GREB1: variants seen among roughly 807,000 people sequenced by gnomAD.
GREB1 encodes growth regulating estrogen receptor binding 1, also known as protein GREB1.
In GREB1, 106 loss-of-function variants were observed where a neutral mutation model predicts 200.7. That is an observed-to-expected ratio of 0.53 (90% CI 0.45 to 0.62). GREB1 has a LOEUF of 0.62. Ranked by LOEUF, GREB1 falls within the 20% of genes least tolerant of loss-of-function variation. GREB1 has a pLI of 0.00. For missense variants in GREB1, 2,243 were observed against 2,556.8 expected, an observed-to-expected ratio of 0.88 and a Z score of 2.65; for synonymous variants, 1,132 against 1,092.4, an observed-to-expected ratio of 1.04 and a Z score of -0.72.
At chr2:11,596,656 A>AAGATCGGAAGAGCGTCGT (rs1242416580) in intron 13 of GREB1, among the ~76,000 whole-genome samples, 1 of 45,284 alleles carries the variant, frequency 2.2e-5, no homozygotes. Context: ...ATACAGTGAG[A>AAGATCGGAAGAGCGTCGT]GTAGGTGGGG....
At chr2:11,512,724 C>T (rs765363922) in intron 1 of GREB1, among the ~76,000 whole-genome samples, 3 of 152,212 alleles carry the variant, frequency 2.0e-5, no homozygotes, top group Non-Finnish European at 4.4e-5. Flanking sequence ...GAGGATAAGA[C>T]CTCTTGTCTC....
Position 11,595,701 on chromosome 2 carries a change from C to T in GREB1, c.1825+322C>T, listed in dbSNP as rs141827432. On this transcript the variant is annotated intron_variant, in intron 12 of 32. Coordinates refer to ENST00000381486, the MANE Select transcript of GREB1 (RefSeq NM_014668.4). ...CTTTCCAGCCTTGGTGGCCTCTCTTCCCTGTCTCCCCTTTTTGCTGGAGAG... is the reference window on the plus strand; with the variant it reads ...CTTTCCAGCCTTGGTGGCCTCTCTTTCCTGTCTCCCCTTTTTGCTGGAGAG... Among the ~76,000 whole-genome samples the T allele has an allele frequency of 5.0e-3, 760 of 152,230 alleles. 10 individuals carry two copies. The highest frequency in any genetic ancestry group is 0.02 in the Middle Eastern group (6 of 294).
At chr2:11,630,936 T>C (rs1684827646) in intron 26 of GREB1, among the ~76,000 whole-genome samples, 1 of 152,178 alleles carries the variant, frequency 6.6e-6, no homozygotes, top group Non-Finnish European at 1.5e-5. Flanking sequence ...TAGGCACCTG[T>C]GGAGTTGCCC....
chr2:11,584,315 G>T (rs1181073826), intron 7 of GREB1, among the ~76,000 whole-genome samples: 2 of 152,200 alleles, frequency 1.3e-5, no homozygotes, highest in East Asian at 3.8e-4. Context: ...GCATGCTGTT[G>T]TCTAGAGTGG....
At chr2:11,608,467 T>TGTTA (rs1212245654) in intron 17 of GREB1, among the ~76,000 whole-genome samples, 2 of 152,212 alleles carry the variant, frequency 1.3e-5, no homozygotes, top group Non-Finnish European at 2.9e-5. Flanking sequence ...TACCAGACGT[T>TGTTA]GTTAATTTTA....
rs1391074463 is a variant in GREB1 at position 11,637,908 on chromosome 2, G to A, written c.5539G>A (p.Gly1847Arg). 6.2e-7 allele frequency: 1 copy of A among 1,612,956 alleles called. No individual in the cohort carries two copies. The highest frequency in any genetic ancestry group is 8.5e-7 in the Non-Finnish European group (1 of 1,179,114). Reference sequence around the variant, plus strand: ...GTCTGTCGACTGTTACCTGAACCTGGGATCTCAGGTGACTTTCAGAGGGGG... The same window carrying A: ...GTCTGTCGACTGTTACCTGAACCTGAGATCTCAGGTGACTTTCAGAGGGGG... ...VLSVDCYLNL[G>R]SQISVCYVSS... The change falls in exon 31 of 33, where the codon GGA (glycine) becomes AGA (arginine). Residue 1847 changes from glycine (G) to arginine (R), a missense_variant. Gly to Arg is a moderately radical substitution (Grantham distance 125). This residue lies in a region of GREB1 where 478 missense variants were observed against 616.3 expected (regional missense o/e 0.78). Transcript: ENST00000381486.
intron 5 of GREB1, among the ~76,000 whole-genome samples, chr2:11,577,230 G>A (rs1284866213): frequency 6.6e-6 from 1 of 152,150 alleles, no homozygotes; most frequent in Admixed American, 6.5e-5. Context: ...AAGTTTGATT[G>A]TCATGACTGG....
At chr2:11,585,630 TA>T in intron 8 of GREB1, 131 bp from the exon 9 acceptor site, 1 of 924,028 alleles carries the variant, frequency 1.1e-6, no homozygotes, top group Non-Finnish European at 1.7e-6. Context: ...TCTGTGACTC[TA>T]AGAGTTTGGT....
At chr2:11,609,587 CAG>C (rs1553374441) in intron 17 of GREB1, among the ~76,000 whole-genome samples, 3 of 152,164 alleles carry the variant, frequency 2.0e-5, no homozygotes, top group Non-Finnish European at 4.4e-5. Flanking sequence ...CCCTTCATGC[CAG>C]AGTCTGTGGA....
In GREB1 at chr2:11,583,999, G is replaced by A. The variant is rs145958370; in HGVS notation, c.902-1162G>A. ...CCATGGGGGTTCTGTGCAGTGCCTCGGGTCACACCTGGAGAACCGTTGCTC... is the reference window on the plus strand; with the variant it reads ...CCATGGGGGTTCTGTGCAGTGCCTCAGGTCACACCTGGAGAACCGTTGCTC... On this transcript the variant is annotated intron_variant, in intron 7 of 32. Coordinates refer to ENST00000381486, the MANE Select transcript of GREB1 (RefSeq NM_014668.4). 4.8e-3 allele frequency among the ~76,000 whole-genome samples: 737 copies of A among 152,200 alleles called. 3 individuals are homozygous for A. Among genetic ancestry groups the A allele is most frequent in the Middle Eastern group, 6.8e-3 (2 of 294 alleles).
At position 11,627,002 on chromosome 2, in the gene GREB1, G is replaced by C. The variant is rs1020744430; in HGVS notation, c.4347G>C (p.Arg1449=). 6.2e-7 allele frequency: 1 copy of C among 1,614,134 alleles called. No individual in the cohort carries two copies. The highest frequency in any genetic ancestry group is 1.1e-5 in the South Asian group (1 of 91,086). The change falls in exon 25 of 33, where the codon CGG becomes CGC. Residue 1449 remains arginine (R), a synonymous_variant. Transcript: ENST00000381486. ...GGAAGCCGGAGGACCTTTATGTGCG[G>C]CGTCAGACGGCACGGATGAGACTGT... The part of the protein sequence containing the change: ...MSRKPEDLYV[R]RQTARMRLSK...
Position 11,629,286 on chromosome 2 carries a change from G to A in GREB1, c.4450-662G>A, listed in dbSNP as rs1308096360. 1.3e-5 allele frequency among the ~76,000 whole-genome samples: 2 copies of A among 152,158 alleles called. No individual in the cohort carries two copies. The highest frequency in any genetic ancestry group is 2.9e-5 in the Non-Finnish European group (2 of 68,034). On this transcript the variant is annotated intron_variant, in intron 25 of 32. Coordinates refer to ENST00000381486, the MANE Select transcript of GREB1 (RefSeq NM_014668.4). The surrounding 1 kb of genome is among the most constrained non-coding windows in gnomAD (Gnocchi z 5.2). ...AGCTGAGGGCAAAGCTGCGCTGGAG[G>A]TCACACCCAGAGCAGCACGTGCACA...
chr2:11,513,864 A>G (rs1006206310), intron 1 of GREB1, among the ~76,000 whole-genome samples: 2 of 152,170 alleles, frequency 1.3e-5, no homozygotes, highest in Non-Finnish European at 2.9e-5. Flanking sequence ...TCACCAGCAT[A>G]ACTTGTGGTT....
chr2:11,638,444 A>T (rs940479377), intron 31 of GREB1, among the ~76,000 whole-genome samples: 13 of 152,174 alleles, frequency 8.5e-5, no homozygotes, highest in Non-Finnish European at 4.4e-5. Context: ...CTCGGCCTAA[A>T]TATTCTGATT....
At chr2:11,512,063 T>C (rs1471838553) in intron 1 of GREB1, among the ~76,000 whole-genome samples, 1 of 152,200 alleles carries the variant, frequency 6.6e-6, no homozygotes, top group Non-Finnish European at 1.5e-5. Context: ...GCACTGGCAA[T>C]GGAGTTATAT....
intron 12 of GREB1, among the ~76,000 whole-genome samples, chr2:11,595,904 A>G (rs1681163750): frequency 1.3e-5 from 2 of 151,596 alleles, no homozygotes; most frequent in African/African-American, 4.9e-5. Context: ...CTGCCCTAGC[A>G]CCTGCTATGT....
chr2:11,617,749 TGGCTGAGGGAGC>T (rs1264156951), intron 21 of GREB1, among the ~76,000 whole-genome samples: 1 of 152,108 alleles, frequency 6.6e-6, no homozygotes, highest in Non-Finnish European at 1.5e-5. Context: ...TGCCTAGCTG[TGGCTGAGGGAGC>T]GGCTGAGAGT....
rs1043365888 is a variant in GREB1 at position 11,585,069 on chromosome 2, A to G, written c.902-92A>G. 14 of 633,074 alleles carry G rather than the reference A, an allele frequency of 2.2e-5. No individual in the cohort carries two copies. In the African/African-American group the frequency reaches 2.3e-4, roughly 10 times the overall value. 39.2% of individuals were successfully genotyped at this position (633,074 alleles called of 1,614,324 possible). ...CTGTGATTAGAAAAAAAAAAACAAA[A>G]CAAAACAGATCATTGTTCTCCAAAC... On this transcript the variant is annotated intron_variant, in intron 7 of 32. Coordinates refer to ENST00000381486, the MANE Select transcript of GREB1 (RefSeq NM_014668.4).
At position 11,597,796 on chromosome 2, in the gene GREB1, C is replaced by T. The variant is rs1207589687; in HGVS notation, c.1970C>T (p.Pro657Leu). 9 of 1,614,046 alleles carry T rather than the reference C, an allele frequency of 5.6e-6. No individual in the cohort carries two copies. The Admixed American group carries it at 1.5e-4, about 27-fold the overall frequency. The change falls in exon 14 of 33, where the codon CCA becomes CTA. Residue 657 changes from proline to leucine, a missense_variant. Physicochemically the swap from Pro to Leu is moderately conservative, Grantham distance 98. Transcript: ENST00000381486. This position sits in a 1 kb window ranked among gnomAD's most constrained non-coding sequence, Gnocchi z 4.1. Reference sequence around the variant, plus strand: ...CTGGTTCCAGGTTACAATCTGGAGCCACACAGCATCCGGCCCTTCCAGCTG... The same window carrying T: ...CTGGTTCCAGGTTACAATCTGGAGCTACACAGCATCCGGCCCTTCCAGCTG... ...TPVCTSYNLE[P>L]HSIRPFQLAV...
Sources: allele counts gnomAD v4.1 joint callset (sites outside exome capture counted in the v4.1 genomes callset), GRCh38; gene constraint gnomAD v4.1.1; regional missense constraint gnomAD v4.1.1; non-coding constraint Gnocchi (gnomAD v3.1); transcripts MANE v1.5; gene names NCBI Gene and HGNC (gene_info 2026-07-23, HGNC 2026-07-21).